The following INPP4B variants were observed in gnomAD, a reference collection of about 807,000 sequenced individuals.
The protein encoded by INPP4B is inositol polyphosphate 4-phosphatase type II.
A neutral mutation model predicts 122.5 loss-of-function variants in INPP4B; 55 were observed. The observed-to-expected ratio is 0.45, with a 90% CI of 0.36 to 0.56. The LOEUF (loss-of-function observed/expected upper bound fraction) is 0.56. Ranked by LOEUF, INPP4B falls within the 20% of genes least tolerant of loss-of-function variation. The pLI, the probability that INPP4B is intolerant of heterozygous loss-of-function variation, is 0.00. For missense variants in INPP4B, 1,000 were observed against 1,097.7 expected (o/e 0.91, Z 1.26); for synonymous variants, 403 against 388.7 (o/e 1.04, Z -0.43).
chr4:142,115,090 G>A (rs1365651903), intron 21 of INPP4B, among the ~76,000 whole-genome samples: 1 of 152,028 alleles, frequency 6.6e-6, no homozygotes, highest in Admixed American at 6.6e-5. Context: ...ATGAAATGAA[G>A]TGAGAAGAGA....
At chr4:142,370,066 T>TAA (rs1173428923) in intron 7 of INPP4B, among the ~76,000 whole-genome samples, 2 of 152,176 alleles carry the variant, frequency 1.3e-5, no homozygotes, top group African/African-American at 4.8e-5. Context: ...ATTGCTTGCT[T>TAA]AAACAGTATT....
chr4:142,212,114 C>T (rs866786483), intron 12 of INPP4B, among the ~76,000 whole-genome samples: 2 of 152,164 alleles, frequency 1.3e-5, no homozygotes, highest in African/African-American at 4.8e-5. Context: ...CAGACAACCC[C>T]GTGTACAACT....
chr4:142,450,922 G>T (rs1435454570), intron 3 of INPP4B, among the ~76,000 whole-genome samples: 1 of 151,618 alleles, frequency 6.6e-6, no homozygotes, highest in Non-Finnish European at 1.5e-5. Flanking sequence ...TAGAAGACAT[G>T]TATCTTATAT....
chr4:142,245,765 T>C (rs1254597932), intron 11 of INPP4B, among the ~76,000 whole-genome samples: 1 of 148,624 alleles, frequency 6.7e-6, no homozygotes, highest in Non-Finnish European at 1.5e-5. Flanking sequence ...TATATATGTA[T>C]ATGTGTGTAT....
At chr4:142,076,535 C>A (rs1379214659) in intron 25 of INPP4B, among the ~76,000 whole-genome samples, 7 of 151,998 alleles carry the variant, frequency 4.6e-5, no homozygotes, top group African/African-American at 1.7e-4. Flanking sequence ...CAAATACTGA[C>A]TGAAGTAATG....
intron 2 of INPP4B, among the ~76,000 whole-genome samples, chr4:142,573,637 A>G (rs1337880762): frequency 6.6e-6 from 1 of 152,032 alleles, no homozygotes; most frequent in Non-Finnish European, 1.5e-5. Context: ...TTACCTTTCG[A>G]TTGGGCCATA....
chr4:142,094,744 G>A (rs3775631), intron 23 of INPP4B, among the ~76,000 whole-genome samples: 38,165 of 152,116 alleles, frequency 0.25, 4,851 homozygotes, highest in East Asian at 0.3. Flanking sequence ...GAAGATTGGG[G>A]CTTTTTCCAA....
intron 2 of INPP4B, among the ~76,000 whole-genome samples, chr4:142,588,198 T>C (rs181715392): frequency 3.9e-5 from 6 of 152,068 alleles, no homozygotes; most frequent in Non-Finnish European, 5.9e-5. Context: ...GTTAACATTA[T>C]ATTTAATGAT....
intron 1 of INPP4B, among the ~76,000 whole-genome samples, chr4:142,821,362 T>C (rs1780771816): frequency 6.6e-6 from 1 of 152,110 alleles, no homozygotes; most frequent in Admixed American, 6.6e-5. Context: ...AAATACACAC[T>C]GCCTTAATTA....
intron 2 of INPP4B, among the ~76,000 whole-genome samples, chr4:142,675,481 C>T (rs2150654957): frequency 6.6e-6 from 1 of 152,244 alleles, no homozygotes; most frequent in South Asian, 2.1e-4. Flanking sequence ...AAGAGGGAAT[C>T]CTCCATAATT....
intron 7 of INPP4B, among the ~76,000 whole-genome samples, chr4:142,360,114 C>A (rs962363753): frequency 1.3e-5 from 2 of 151,792 alleles, no homozygotes; most frequent in Non-Finnish European, 2.9e-5. Flanking sequence ...GTAATTTTAA[C>A]CATAAAATGG....
intron 12 of INPP4B, among the ~76,000 whole-genome samples, chr4:142,229,027 G>A (rs534646183): frequency 4.0e-5 from 6 of 151,530 alleles, no homozygotes; most frequent in Non-Finnish European, 8.8e-5. Context: ...ATAAAACCAA[G>A]GCCCTAAAAT....
chr4:142,620,886 T>C (rs1744762417), intron 2 of INPP4B, among the ~76,000 whole-genome samples: 1 of 152,012 alleles, frequency 6.6e-6, no homozygotes, highest in Admixed American at 6.6e-5. Flanking sequence ...GGGAGTTTTT[T>C]AGATGATGGA....
chr4:142,526,138 T>C (rs1271950171), intron 2 of INPP4B, among the ~76,000 whole-genome samples: 1 of 152,112 alleles, frequency 6.6e-6, no homozygotes, highest in Non-Finnish European at 1.5e-5. Context: ...CCATTAAATA[T>C]AAAATAGTTA....
intron 23 of INPP4B, among the ~76,000 whole-genome samples, chr4:142,087,195 G>A (rs1777284415): frequency 6.6e-6 from 1 of 152,120 alleles, no homozygotes; most frequent in Non-Finnish European, 1.5e-5. Context: ...CACTGCCAGT[G>A]TCTCCTGACA....
chr4:142,212,610 T>C (rs1283174373), intron 12 of INPP4B, among the ~76,000 whole-genome samples: 2 of 152,158 alleles, frequency 1.3e-5, no homozygotes, highest in Non-Finnish European at 2.9e-5. Flanking sequence ...TTTTGGTCTA[T>C]TGTCATGAGG....
intron 2 of INPP4B, among the ~76,000 whole-genome samples, chr4:142,550,605 C>T (rs931971989): frequency 4.6e-3 from 41 of 8,904 alleles, no homozygotes; most frequent in African/African-American, 6.1e-3. Flanking sequence ...CACACACACA[C>T]ATATATATAT....
chr4:142,679,593 A>G (rs1371759979), intron 2 of INPP4B, among the ~76,000 whole-genome samples: 1 of 151,828 alleles, frequency 6.6e-6, no homozygotes, highest in African/African-American at 2.4e-5. Flanking sequence ...ATTAAAATAA[A>G]CACCATTACA....
At chr4:142,353,434 C>A (rs1782579761) in intron 7 of INPP4B, among the ~76,000 whole-genome samples, 2 of 151,972 alleles carry the variant, frequency 1.3e-5, no homozygotes, top group Admixed American at 6.6e-5. Flanking sequence ...TTGATTGGAC[C>A]ATGTTTTGTG....
Sources: allele counts gnomAD v4.1 joint callset (sites outside exome capture counted in the v4.1 genomes callset), GRCh38; gene constraint gnomAD v4.1.1; transcripts MANE v1.5; gene names NCBI Gene and HGNC (gene_info 2026-07-23, HGNC 2026-07-21).